Variants in FOXP4 observed in about 807,000 individuals in gnomAD.
FOXP4 encodes the protein forkhead box P4, also known as forkhead box protein P4.
In FOXP4, 25 loss-of-function variants were observed where a neutral mutation model predicts 82.6. That is an observed-to-expected ratio of 0.30 (90% CI 0.22 to 0.42). The LOEUF (loss-of-function observed/expected upper bound fraction) is 0.42. Among genes scored for constraint, FOXP4 ranks in the 10% least tolerant of loss-of-function variants. FOXP4 has a pLI of 1.00. For missense variants in FOXP4, 785 were observed against 900.9 expected, an observed-to-expected ratio of 0.87 and a Z score of 1.65; for synonymous variants, 415 against 388.2, an observed-to-expected ratio of 1.07 and a Z score of -0.81.
chr6:41,553,899 A>G (rs971659757), intron 1 of FOXP4, among the ~76,000 whole-genome samples: 1 of 152,200 alleles, frequency 6.6e-6, no homozygotes, highest in African/African-American at 2.4e-5. Context: ...ATCTGCAGGA[A>G]CAAGCCCTCA....
chr6:41,568,376 A>G (rs1216918011), intron 2 of FOXP4, among the ~76,000 whole-genome samples: 1 of 152,188 alleles, frequency 6.6e-6, no homozygotes, highest in East Asian at 1.9e-4. Flanking sequence ...AAGATGGCAC[A>G]ATAAAGGCTG....
intron 1 of FOXP4, among the ~76,000 whole-genome samples, chr6:41,562,848 C>A (rs59640895): frequency 0.014 from 2,161 of 152,312 alleles, 55 homozygotes; most frequent in African/African-American, 0.049. Context: ...TAACTGAGGC[C>A]CAGGCCCAAG....
chr6:41,568,948 G>A (rs1395070438), intron 2 of FOXP4, among the ~76,000 whole-genome samples: 1 of 152,228 alleles, frequency 6.6e-6, no homozygotes, highest in Admixed American at 6.5e-5. Flanking sequence ...CAGGCTGGGA[G>A]CTTGTTTAAA....
chr6:41,570,104 A>ACC, intron 2 of FOXP4: 1 of 336,726 alleles, frequency 3.0e-6, no homozygotes, highest in Non-Finnish European at 5.9e-6. Flanking sequence ...ACACACACAC[A>ACC]CACACACACA....
intron 3 of FOXP4, among the ~76,000 whole-genome samples, chr6:41,583,093 A>G (rs796911359): frequency 1.3e-5 from 2 of 152,324 alleles, no homozygotes; most frequent in African/African-American, 4.8e-5. Flanking sequence ...GGTCTCTTGG[A>G]GCCTTCATTC....
At chr6:41,590,414 C>A (rs959288795) in intron 12 of FOXP4, 67 bp downstream of exon 12, 14 of 1,537,360 alleles carry the variant, frequency 9.1e-6, no homozygotes, top group African/African-American at 1.4e-5. Context: ...CCCCGCCACA[C>A]CCCTGCCTCC....
intron 4 of FOXP4, 37 bp from the exon 5 acceptor site, chr6:41,585,394 G>C: frequency 6.2e-7 from 1 of 1,603,950 alleles, no homozygotes; most frequent in Non-Finnish European, 8.5e-7. Context: ...GGGGATAGCA[G>C]TACCCTGCCA....
chr6:41,600,174 C>G lies in FOXP4; in HGVS notation c.*1238C>G, dbSNP rs1170930609. 4 of 152,648 alleles carry G rather than the reference C, an allele frequency of 2.6e-5. No individual in the cohort carries two copies. Among genetic ancestry groups the G allele is most frequent in the Non-Finnish European group, 4.4e-5 (3 of 68,106 alleles). The allele number at this position is 152,648 out of a possible 1,614,324, so 9.5% of individuals were successfully genotyped here. On this transcript the variant is annotated 3_prime_UTR_variant, in exon 17 of 17. Coordinates refer to ENST00000307972, the MANE Select transcript of FOXP4 (RefSeq NM_001012426.2). ...TCAGTGGAGGCAGGGCCCTGCCCCC[C>G]TCCCTTCCGCTCCTGCCCAGCCTGG...
intron 12 of FOXP4, among the ~76,000 whole-genome samples, chr6:41,590,685 C>T (rs370793367): frequency 2.8e-4 from 43 of 152,278 alleles, no homozygotes; most frequent in East Asian, 1.2e-3. Context: ...TCCCTCAAGC[C>T]CATGATCTTC....
In FOXP4 at chr6:41,591,614, T is replaced by C. The variant is rs1008639356; in HGVS notation, c.1536+292T>C. ...CCCCAAAGACGCCAGCCCCACGAGG[T>C]AGGGCCTCTAGGAATTGCTAATGCC... is the stretch of plus-strand genomic sequence containing the variant. On this transcript the variant is annotated intron_variant, in intron 13 of 16. Coordinates refer to ENST00000307972, the MANE Select transcript of FOXP4 (RefSeq NM_001012426.2). This position sits in a 1 kb window ranked among gnomAD's most constrained non-coding sequence, Gnocchi z 4.2. Among the ~76,000 whole-genome samples, 1 of 152,148 alleles carries C rather than the reference T, an allele frequency of 6.6e-6. No individual in the cohort carries two copies. Among genetic ancestry groups the C allele is most frequent in the African/African-American group, 2.4e-5 (1 of 41,422 alleles).
Position 41,597,901 on chromosome 6 carries a change from C to A in FOXP4, c.1846C>A (p.Pro616Thr). 2 of 1,587,410 alleles carry A rather than the reference C, an allele frequency of 1.3e-6. No individual in the cohort carries two copies. Among genetic ancestry groups the A allele is most frequent in the Non-Finnish European group, 1.7e-6 (2 of 1,172,782 alleles). ...DDVGAPVEPL[P>T]SNGSSSPPRL... ...CGTGGGTGCCCCCGTGGAGCCGCTG[C>A]CCAGCAACGGCAGCAGCAGCCCTCC... Residue 616 changes from proline to threonine, a missense_variant, in exon 16 of 17, where the codon CCC becomes ACC. Physicochemically the swap from Pro to Thr is conservative, Grantham distance 38. This residue lies in a region of FOXP4 where 184 missense variants were observed against 187.3 expected (regional missense o/e 0.98). Transcript: ENST00000307972.
At position 41,599,057 on chromosome 6, in the gene FOXP4, A is replaced by G; in HGVS notation, c.*121A>G. Reference sequence around the variant, plus strand: ...GGCAAGTCCAGGACTCAGACCGGGGAGGCCCGGGCCAGCAGCTCCCAGTGT... The same window carrying G: ...GGCAAGTCCAGGACTCAGACCGGGGGGGCCCGGGCCAGCAGCTCCCAGTGT... On this transcript the variant is annotated 3_prime_UTR_variant, in exon 17 of 17. Coordinates refer to ENST00000307972, the MANE Select transcript of FOXP4 (RefSeq NM_001012426.2). 1 of 1,360,914 alleles carries G rather than the reference A, an allele frequency of 7.3e-7. No homozygotes were observed. The highest frequency in any genetic ancestry group is 2.9e-5 in the Admixed American group (1 of 34,412). 84.3% of individuals were successfully genotyped at this position (1,360,914 alleles called of 1,614,324 possible).
intron 6 of FOXP4, 58 bp downstream of exon 6, chr6:41,587,214 A>G: frequency 6.2e-7 from 1 of 1,608,708 alleles, no homozygotes. Flanking sequence ...GCCTGTACGC[A>G]ACAGCTGGCA....
At chr6:41,548,021 C>G (rs1763759115) in intron 1 of FOXP4, among the ~76,000 whole-genome samples, 1 of 152,208 alleles carries the variant, frequency 6.6e-6, no homozygotes, top group African/African-American at 2.4e-5. Flanking sequence ...TTCCCTGTGT[C>G]CCCCAACTGG....
intron 14 of FOXP4, among the ~76,000 whole-genome samples, chr6:41,596,043 G>A (rs9369294): frequency 0.13 from 19,436 of 152,146 alleles, 2,034 homozygotes; most frequent in African/African-American, 0.28. Context: ...AATTACAGGC[G>A]CCCACCACCA....
At position 41,589,677 on chromosome 6, in the gene FOXP4, C is replaced by T. The variant is rs73435150; in HGVS notation, c.1066-94C>T. On this transcript the variant is annotated intron_variant, in intron 9 of 16. Coordinates refer to ENST00000307972, the MANE Select transcript of FOXP4 (RefSeq NM_001012426.2). ...GGAGGCGAATGGGGGTGGGAATCGG[C>T]GGCCTTCTGAAGAGCCTGGCGGTGG... 2,530 of 1,290,400 alleles carry T rather than the reference C, an allele frequency of 2.0e-3. 38 individuals carry two copies. In the African/African-American group the frequency reaches 0.033, roughly 17 times the overall value. 79.9% of individuals were successfully genotyped at this position (1,290,400 alleles called of 1,614,324 possible).
chr6:41,596,333 G>A (rs1766831548), intron 14 of FOXP4, among the ~76,000 whole-genome samples: 2 of 152,088 alleles, frequency 1.3e-5, no homozygotes, highest in Admixed American at 1.3e-4. Context: ...TGTGCCCCTT[G>A]GGCCAGAGCC....
At chr6:41,552,642 G>A (rs1000762914) in intron 1 of FOXP4, among the ~76,000 whole-genome samples, 2 of 152,198 alleles carry the variant, frequency 1.3e-5, no homozygotes, top group African/African-American at 4.8e-5. Context: ...CCTGAGCACA[G>A]GGATATAACA....
chr6:41,548,275 G>T (rs1000052567), intron 1 of FOXP4: 1 of 152,260 alleles, frequency 6.6e-6, no homozygotes. Context: ...CTGGAGCCGG[G>T]AATAGGGGTG....
Sources: gnomAD v4.1 joint callset for allele counts (sites outside exome capture counted in the v4.1 genomes callset) on GRCh38, gnomAD v4.1.1 for gene constraint, gnomAD v4.1.1 regional missense constraint, Gnocchi (gnomAD v3.1) non-coding constraint, MANE v1.5 for transcripts, NCBI Gene and HGNC (gene_info 2026-07-23, HGNC 2026-07-21) for gene names.